The following VSX2 variants were observed in gnomAD, a reference collection of about 807,000 sequenced individuals.
The protein encoded by VSX2 is ceh-10 homeo domain containing homolog.
A neutral mutation model predicts 32.1 loss-of-function variants in VSX2; 28 were observed. The ratio of observed to expected loss-of-function variants is 0.87; its 90% CI spans 0.65 to 1.20. VSX2 has a LOEUF of 1.20. Among genes scored for constraint, VSX2 ranks in the 50% most tolerant of loss-of-function variants. VSX2 has a pLI of 0.00. For synonymous variants in VSX2, 243 were observed against 214.1 expected (o/e 1.14, Z -1.18); for missense variants, 506 against 488.7 (o/e 1.04, Z -0.33).
intron 1 of VSX2, among the ~76,000 whole-genome samples, chr14:74,240,544 C>T (rs554844059): frequency 2.4e-4 from 36 of 152,246 alleles, no homozygotes; most frequent in African/African-American, 8.2e-4. Flanking sequence ...GTGACCTCTC[C>T]GCCTTCTCCC....
intron 2 of VSX2, among the ~76,000 whole-genome samples, chr14:74,242,876 G>A (rs149666940): frequency 5.3e-5 from 8 of 152,226 alleles, no homozygotes; most frequent in African/African-American, 9.6e-5. Context: ...TGGCATTTCC[G>A]CATCAGGACA....
chr14:74,245,135 G>T (rs1184447974), intron 2 of VSX2, 30 bp from the exon 3 acceptor site: 2 of 1,612,872 alleles, frequency 1.2e-6, no homozygotes, highest in South Asian at 1.1e-5. Flanking sequence ...AGTTTCTGGG[G>T]TCCTGAGTGT....
At chr14:74,257,716 A>ACC in intron 3 of VSX2, among the ~76,000 whole-genome samples, 1 of 139,920 alleles carries the variant, frequency 7.1e-6, no homozygotes, top group East Asian at 2.3e-4. Flanking sequence ...ACCACCCCCC[A>ACC]CCCACTTCCC....
At chr14:74,252,372 C>T (rs1208662880) in intron 3 of VSX2, among the ~76,000 whole-genome samples, 2 of 150,776 alleles carry the variant, frequency 1.3e-5, no homozygotes, top group African/African-American at 4.8e-5. Context: ...TCTTTCCACA[C>T]AACCTGGGCT....
chr14:74,255,772 C>G (rs1286540288), intron 3 of VSX2, among the ~76,000 whole-genome samples: 1 of 152,122 alleles, frequency 6.6e-6, no homozygotes, highest in Non-Finnish European at 1.5e-5. Context: ...GCATCTCTGT[C>G]TTTCTATATT....
chr14:74,257,439 C>T (rs933846133), intron 3 of VSX2, among the ~76,000 whole-genome samples: 2 of 152,236 alleles, frequency 1.3e-5, no homozygotes, highest in Non-Finnish European at 2.9e-5. Context: ...CCACCCGGGG[C>T]GGGAGAGGCC....
intron 3 of VSX2, among the ~76,000 whole-genome samples, chr14:74,256,910 G>T (rs990159093): frequency 6.6e-6 from 1 of 151,892 alleles, no homozygotes; most frequent in African/African-American, 2.4e-5. Flanking sequence ...CTGACCTCAG[G>T]TGATCCACCC....
At chr14:74,244,353 G>GA (rs1397215023) in intron 2 of VSX2, among the ~76,000 whole-genome samples, 3 of 152,132 alleles carry the variant, frequency 2.0e-5, no homozygotes, top group Non-Finnish European at 4.4e-5. Flanking sequence ...GGGATGGTTG[G>GA]AAGGTGGCCC....
chr14:74,241,376 C>T, intron 2 of VSX2, 110 bp downstream of exon 2: 6 of 1,228,814 alleles, frequency 4.9e-6, no homozygotes, highest in Non-Finnish European at 7.0e-6. Flanking sequence ...GATCTGAGGT[C>T]CGAGGCCGTG....
chr14:74,246,233 G>T (rs986340328), intron 3 of VSX2, among the ~76,000 whole-genome samples: 2 of 152,212 alleles, frequency 1.3e-5, no homozygotes, highest in Non-Finnish European at 2.9e-5. Flanking sequence ...GGAGGCTGGG[G>T]TGTGTGGGCC....
chr14:74,248,706 A>AC (rs1268448398), intron 3 of VSX2, among the ~76,000 whole-genome samples: 2 of 150,462 alleles, frequency 1.3e-5, no homozygotes, highest in East Asian at 3.9e-4. Flanking sequence ...CAAACGAACA[A>AC]AAAAAAAAAA....
Position 74,260,692 on chromosome 14 carries a change from G to T in VSX2, c.859G>T (p.Glu287Ter). The T allele has an allele frequency of 1.9e-6, 3 of 1,596,538 alleles. No individual in the cohort carries two copies. Among genetic ancestry groups the T allele is most frequent in the Non-Finnish European group, 2.6e-6 (3 of 1,172,194 alleles). The change falls in exon 5 of 5, where the codon GAG (glutamate) becomes TAG (stop). Residue 287 changes from glutamate to a stop codon, truncating the protein, a stop_gained. Coordinates refer to ENST00000261980, the MANE Select transcript of VSX2 (RefSeq NM_182894.3). LOFTEE classifies it high-confidence loss of function. ...LPKLDKMEQDERGPDAQAAIS... is the reference protein window; with the variant it reads ...LPKLDKMEQD Reference sequence around the variant, plus strand: ...CAAGCTCGACAAGATGGAGCAGGACGAGCGGGGCCCCGACGCTCAGGCGGC... The same window carrying T: ...CAAGCTCGACAAGATGGAGCAGGACTAGCGGGGCCCCGACGCTCAGGCGGC...
chr14:74,260,942 G>A lies in VSX2; in HGVS notation c.*23G>A. ...TAGGTCAAGGCGCGCTCAGATGCCG[G>A]AGCCCCAAGACTCTGCTCTCCTCGG... On this transcript the variant is annotated 3_prime_UTR_variant, in exon 5 of 5. Coordinates refer to ENST00000261980, the MANE Select transcript of VSX2 (RefSeq NM_182894.3). 1.3e-6 allele frequency: 2 copies of A among 1,549,536 alleles called. No individual in the cohort carries two copies. Among genetic ancestry groups the A allele is most frequent in the Non-Finnish European group, 8.7e-7 (1 of 1,147,180 alleles).
At position 74,239,613 on chromosome 14, in the gene VSX2, G is replaced by T. The variant is rs1327638726; in HGVS notation, c.52G>T (p.Ala18Ser). The change falls in exon 1 of 5, where the codon GCC becomes TCC. Residue 18 changes from alanine to serine, a missense_variant. Transcript: ENST00000261980. ...ALSKPKSETV[A>S]KSTSGGAPAR... Reference sequence around the variant, plus strand: ...GAGCAAGCCCAAATCCGAGACAGTGGCCAAGAGTACCTCGGGGGGCGCCCC... The same window carrying T: ...GAGCAAGCCCAAATCCGAGACAGTGTCCAAGAGTACCTCGGGGGGCGCCCC... The T allele has an allele frequency of 2.6e-6, 4 of 1,551,346 alleles. No homozygotes were observed. The highest frequency in any genetic ancestry group is 4.9e-5 in the East Asian group (2 of 40,916).
At chr14:74,260,008 A>G (rs1566888488) in intron 4 of VSX2, among the ~76,000 whole-genome samples, 1 of 152,148 alleles carries the variant, frequency 6.6e-6, no homozygotes, top group Non-Finnish European at 1.5e-5. Context: ...CTCATCATGA[A>G]CGAGTCCCTA....
intron 2 of VSX2, among the ~76,000 whole-genome samples, 180 bp downstream of exon 2, chr14:74,241,446 C>G (rs532402751): frequency 6.6e-6 from 1 of 152,372 alleles, no homozygotes; most frequent in Non-Finnish European, 1.5e-5. Flanking sequence ...GCGTCGGCAC[C>G]GGTTGAGCAG....
chr14:74,243,123 G>C (rs1296957760), intron 2 of VSX2, among the ~76,000 whole-genome samples: 1 of 152,140 alleles, frequency 6.6e-6, no homozygotes, highest in Non-Finnish European at 1.5e-5. Context: ...CATTTTACTC[G>C]AGCTTCTGTC....
chr14:74,250,734 C>T (rs2079222929), intron 3 of VSX2, among the ~76,000 whole-genome samples: 2 of 151,936 alleles, frequency 1.3e-5, no homozygotes, highest in African/African-American at 2.4e-5. Context: ...TTGCAACCTC[C>T]GCCTTCTGGG....
chr14:74,254,952 TTG>T (rs2079254054), intron 3 of VSX2, among the ~76,000 whole-genome samples: 1 of 151,846 alleles, frequency 6.6e-6, no homozygotes, highest in Non-Finnish European at 1.5e-5. Flanking sequence ...GCTAATTTTT[TTG>T]TGTTTTTAGT....
Sources: allele counts gnomAD v4.1 joint callset (sites outside exome capture counted in the v4.1 genomes callset), GRCh38; gene constraint gnomAD v4.1.1; transcripts MANE v1.5; gene names NCBI Gene and HGNC (gene_info 2026-07-23, HGNC 2026-07-21).